PRELID2: variants seen among roughly 807,000 people sequenced by gnomAD.
PRELID2 encodes PRELI domain containing 2.
In PRELID2, 25 loss-of-function variants were observed where a neutral mutation model predicts 28.4. The observed-to-expected ratio is 0.88, with a 90% CI of 0.64 to 1.23. PRELID2 has a LOEUF of 1.23. Among genes scored for constraint, PRELID2 ranks in the 50% most tolerant of loss-of-function variants. PRELID2 has a pLI of 0.00. For missense variants in PRELID2, 201 were observed against 214.4 expected, an observed-to-expected ratio of 0.94 and a Z score of 0.39; for synonymous variants, 76 against 71.6, an observed-to-expected ratio of 1.06 and a Z score of -0.31.
chr5:145,498,981 CA>C (rs1752331710), intron 1 of PRELID2, among the ~76,000 whole-genome samples: 1 of 152,010 alleles, frequency 6.6e-6, no homozygotes, highest in East Asian at 1.9e-4. Context: ...AAAAAAAAGA[CA>C]AAATATAAAT....
rs7721340 is a variant in PRELID2, at chr5:145,819,805, C to A, written c.207+140G>T. 2.2e-3 allele frequency: 1,468 copies of A among 670,334 alleles called. 20 individuals carry two copies. In the African/African-American group the frequency reaches 0.024, roughly 11 times the overall value. 41.5% of individuals were successfully genotyped at this position (670,334 alleles called of 1,614,324 possible). ...AAAAGTGAGGTTGGATAAGAAAGAG[C>A]TTTCTTCCTCAGAAGGTTCTGAGGT... On this transcript the variant is annotated intron_variant, in intron 3 of 6. Transcript: ENST00000683046.
chr5:145,581,527 A>G (rs985385757), intron 1 of PRELID2, among the ~76,000 whole-genome samples: 4 of 152,010 alleles, frequency 2.6e-5, no homozygotes, highest in Admixed American at 1.3e-4. Context: ...TTTTTGCACA[A>G]CTGGATACTT....
chr5:145,264,969 TAAAAA>T, the PRELID2 span, among the ~76,000 whole-genome samples: 1 of 56,880 alleles, frequency 1.8e-5, no homozygotes, highest in Non-Finnish European at 3.7e-5. Context: ...AGTGCAACTC[TAAAAA>T]AAAAAAAAAA....
At chr5:145,509,168 A>G (rs1442918518) in intron 1 of PRELID2, among the ~76,000 whole-genome samples, 1 of 152,214 alleles carries the variant, frequency 6.6e-6, no homozygotes, top group Non-Finnish European at 1.5e-5. Flanking sequence ...ATATGGGTTA[A>G]CAATTACAAC....
intron 1 of PRELID2, among the ~76,000 whole-genome samples, chr5:145,531,155 C>T (rs550332774): frequency 1.3e-5 from 2 of 152,218 alleles, no homozygotes; most frequent in South Asian, 4.1e-4. Flanking sequence ...TTGTTGCATG[C>T]CTCCATGGCA....
the PRELID2 span, among the ~76,000 whole-genome samples, chr5:145,420,187 T>C: frequency 6.6e-6 from 1 of 152,170 alleles, no homozygotes; most frequent in African/African-American, 2.4e-5. Flanking sequence ...TTTGTTCTTT[T>C]GGCTTAGGAT....
At position 145,639,654 on chromosome 5, in the gene PRELID2, G is replaced by T. The variant is rs552224338; in HGVS notation, n.70+125277C>A. Among the ~76,000 whole-genome samples the T allele has an allele frequency of 2.6e-5, 4 of 152,264 alleles. No homozygotes were observed. In the South Asian group the frequency reaches 8.3e-4, roughly 32 times the overall value. On this transcript the variant is annotated intron_variant and non_coding_transcript_variant, in intron 1 of 2. Transcript: ENST00000510259. The stretch of plus-strand genomic sequence containing the variant: ...TATCTGCCTTTTTCCTATTCAATGC[G>T]ATCTGGAAACTATTCAAATCCAATG...
intron 1 of PRELID2, among the ~76,000 whole-genome samples, chr5:145,629,726 G>C (rs1052662348): frequency 1.1e-4 from 17 of 151,686 alleles, no homozygotes; most frequent in Admixed American, 7.2e-4. Context: ...GGCATAGAGG[G>C]CTTTAAAACT....
the PRELID2 span, among the ~76,000 whole-genome samples, chr5:145,412,080 G>T: frequency 8.5e-5 from 13 of 152,156 alleles, no homozygotes; most frequent in Non-Finnish European, 1.6e-4. Flanking sequence ...CCAGGACTAT[G>T]ATGGGAGGGG....
chr5:145,469,285 T>G (rs1199388967), downstream of PRELID2, among the ~76,000 whole-genome samples: 4 of 152,126 alleles, frequency 2.6e-5, no homozygotes, highest in African/African-American at 9.7e-5. Flanking sequence ...CTAACCAATA[T>G]ATCATAATTT....
At chr5:145,786,191 T>C (rs1472318756) in intron 5 of PRELID2, among the ~76,000 whole-genome samples, 1 of 152,214 alleles carries the variant, frequency 6.6e-6, no homozygotes, top group Non-Finnish European at 1.5e-5. Flanking sequence ...TTAATACTTA[T>C]GCCTACAACT....
rs535481437 is a variant in PRELID2, at chr5:145,745,362, A to G, written n.70+19569T>C. On this transcript the variant is annotated intron_variant and non_coding_transcript_variant, in intron 1 of 2. Transcript: ENST00000510259. ...ATGCAAATTCGGAAATAGAGAGAAC[A>G]CCACTAAGATATTCCATAGCAGATC... 2.6e-5 allele frequency among the ~76,000 whole-genome samples: 4 copies of G among 152,242 alleles called. No homozygotes were observed. The East Asian group carries it at 7.7e-4, about 29-fold the overall frequency.
intron 1 of PRELID2, among the ~76,000 whole-genome samples, chr5:145,727,580 T>C (rs190964033): frequency 4.4e-4 from 67 of 152,322 alleles, no homozygotes; most frequent in Admixed American, 1.8e-3. Flanking sequence ...GGCAGCTTCC[T>C]CTTCAGAGGT....
chr5:145,339,192 A>C, the PRELID2 span, among the ~76,000 whole-genome samples: 10 of 152,204 alleles, frequency 6.6e-5, no homozygotes, highest in African/African-American at 2.4e-4. Flanking sequence ...GCTCAATCAA[A>C]GTAGTAAGTA....
intron 5 of PRELID2, among the ~76,000 whole-genome samples, chr5:145,785,973 A>G (rs1751967629): frequency 6.6e-6 from 1 of 152,184 alleles, no homozygotes; most frequent in South Asian, 2.1e-4. Flanking sequence ...TGTTCATGCA[A>G]TTCATGGCCT....
the PRELID2 span, among the ~76,000 whole-genome samples, chr5:145,459,837 T>C: frequency 6.7e-6 from 1 of 149,124 alleles, no homozygotes; most frequent in Non-Finnish European, 1.5e-5. Flanking sequence ...TTTGACAGAG[T>C]CTTTCTCTGT....
intron 5 of PRELID2, among the ~76,000 whole-genome samples, chr5:145,789,701 G>C (rs1752240084): frequency 6.6e-6 from 1 of 152,134 alleles, no homozygotes; most frequent in South Asian, 2.1e-4. Context: ...GGAGTGAAGA[G>C]ACAACCTGCA....
chr5:145,613,799 G>A (rs1270203517), intron 1 of PRELID2, among the ~76,000 whole-genome samples: 1 of 151,932 alleles, frequency 6.6e-6, no homozygotes, highest in Non-Finnish European at 1.5e-5. Flanking sequence ...TGTTTCTTTT[G>A]CTGTGCAAAA....
downstream of PRELID2, among the ~76,000 whole-genome samples, chr5:145,467,493 T>C (rs1386834078): frequency 5.3e-5 from 8 of 152,204 alleles, no homozygotes; most frequent in South Asian, 1.2e-3. Flanking sequence ...TTCATATTTT[T>C]AAAATAAAAT....
Sources: allele counts gnomAD v4.1 joint callset (sites outside exome capture counted in the v4.1 genomes callset), GRCh38; gene constraint gnomAD v4.1.1; transcripts MANE v1.5; gene names NCBI Gene and HGNC (gene_info 2026-07-23, HGNC 2026-07-21).